The following FGF12 variants were observed in gnomAD, a reference collection of about 807,000 sequenced individuals.
FGF12 encodes the protein fibroblast growth factor 12, also known as fibroblast growth factor 12B.
In FGF12, 14 loss-of-function variants were observed where a neutral mutation model predicts 23.6. The ratio of observed to expected loss-of-function variants is 0.59; its 90% CI spans 0.39 to 0.93. The LOEUF is 0.93. FGF12 is among the 40% of genes least tolerant of loss of function. The probability of loss-of-function intolerance (pLI) is 0.00; values close to 1 mark genes in which losing one functional copy is unlikely to be tolerated. For synonymous variants in FGF12, 62 were observed against 77.3 expected, an observed-to-expected ratio of 0.80 and a Z score of 1.04; for missense variants, 175 against 217.8, an observed-to-expected ratio of 0.80 and a Z score of 1.24.
intron 2 of FGF12, among the ~76,000 whole-genome samples, chr3:192,546,553 G>T (rs1725499338): frequency 6.6e-6 from 1 of 151,620 alleles, no homozygotes; most frequent in Non-Finnish European, 1.5e-5. Flanking sequence ...GGAGAATAAG[G>T]GTTTAATTGT....
Position 192,723,659 on chromosome 3 carries a change from T to A in FGF12, c.13+3522A>T, listed in dbSNP as rs532202554. ...TCCATTAGCATCACTTGGGAGCCATTTAAAACTACTTATGCCCAGATCCCA... is the reference window on the plus strand; with the variant it reads ...TCCATTAGCATCACTTGGGAGCCATATAAAACTACTTATGCCCAGATCCCA... On this transcript the variant is annotated intron_variant, in intron 2 of 5. Transcript: ENST00000445105. Among the ~76,000 whole-genome samples the A allele has an allele frequency of 2.8e-4, 42 of 152,076 alleles. 2 individuals carry two copies. The South Asian group carries it at 8.5e-3, about 31-fold the overall frequency.
chr3:192,465,435 C>G (rs1181876740), intron 2 of FGF12, among the ~76,000 whole-genome samples: 3 of 152,196 alleles, frequency 2.0e-5, no homozygotes, highest in Non-Finnish European at 2.9e-5. Flanking sequence ...GCCCTACACT[C>G]AGAATCTGTA....
At chr3:192,582,160 C>T (rs1187670189) in intron 2 of FGF12, among the ~76,000 whole-genome samples, 3 of 151,850 alleles carry the variant, frequency 2.0e-5, no homozygotes, top group Non-Finnish European at 4.4e-5. Context: ...ATTATGGCAG[C>T]TTTAAAAATA....
intron 2 of FGF12, among the ~76,000 whole-genome samples, chr3:192,377,152 T>C (rs1331409494): frequency 1.3e-5 from 2 of 152,222 alleles, no homozygotes; most frequent in African/African-American, 4.8e-5. Context: ...AAGTTCCTTT[T>C]AGTTTTCCTT....
intron 2 of FGF12, among the ~76,000 whole-genome samples, chr3:192,643,448 C>T (rs1160855242): frequency 6.6e-6 from 1 of 152,128 alleles, no homozygotes; most frequent in Non-Finnish European, 1.5e-5. Flanking sequence ...CAATCTGGCC[C>T]CAATCTACCA....
At chr3:192,195,385 T>C (rs905206240) in intron 4 of FGF12, among the ~76,000 whole-genome samples, 1 of 152,192 alleles carries the variant, frequency 6.6e-6, no homozygotes, top group African/African-American at 2.4e-5. Flanking sequence ...AACATTTAGG[T>C]CAAAAACAGA....
At chr3:192,191,248 T>C (rs570685152) in intron 4 of FGF12, among the ~76,000 whole-genome samples, 3 of 152,108 alleles carry the variant, frequency 2.0e-5, no homozygotes, top group African/African-American at 7.2e-5. Flanking sequence ...CCATGAAAAA[T>C]AGAAAATTTT....
chr3:192,169,083 G>A (rs907324287), intron 5 of FGF12, among the ~76,000 whole-genome samples: 9 of 152,202 alleles, frequency 5.9e-5, no homozygotes, highest in African/African-American at 2.2e-4. Context: ...GCTCACGCTT[G>A]TAATCCCAGC....
At chr3:192,707,740 T>A (rs1718518728) in intron 2 of FGF12, among the ~76,000 whole-genome samples, 1 of 15,154 alleles carries the variant, frequency 6.6e-5, no homozygotes. Context: ...GCGAGACTCC[T>A]TCTCAAAAAA....
At chr3:192,476,455 C>T (rs1224633236) in intron 2 of FGF12, among the ~76,000 whole-genome samples, 2 of 152,208 alleles carry the variant, frequency 1.3e-5, no homozygotes, top group African/African-American at 4.8e-5. Flanking sequence ...CATTTTACCA[C>T]AACATATGGG....
chr3:192,201,909 G>T (rs565970708), intron 4 of FGF12, among the ~76,000 whole-genome samples: 1 of 152,224 alleles, frequency 6.6e-6, no homozygotes, highest in South Asian at 2.1e-4. Context: ...GGGGAACAAT[G>T]TTCTTCTATT....
chr3:192,370,666 G>A (rs1719187719), intron 2 of FGF12, among the ~76,000 whole-genome samples: 2 of 152,194 alleles, frequency 1.3e-5, no homozygotes, highest in Admixed American at 6.5e-5. Context: ...CTAAAATTAT[G>A]AGGGTAGTAT....
intron 4 of FGF12, among the ~76,000 whole-genome samples, chr3:192,244,495 T>C (rs769426110): frequency 1.7e-4 from 26 of 152,106 alleles, no homozygotes; most frequent in Non-Finnish European, 3.7e-4. Context: ...TATCTACTTA[T>C]ATGGGTATAA....
At chr3:192,460,117 T>G (rs1407451050) in intron 2 of FGF12, among the ~76,000 whole-genome samples, 12 of 152,036 alleles carry the variant, frequency 7.9e-5, no homozygotes, top group Non-Finnish European at 2.9e-5. Context: ...CTCTACCTTG[T>G]GGGAGGGGGG....
intron 2 of FGF12, among the ~76,000 whole-genome samples, chr3:192,413,669 C>G (rs934116323): frequency 6.6e-6 from 1 of 152,170 alleles, no homozygotes; most frequent in Non-Finnish European, 1.5e-5. Flanking sequence ...AATGATTAAC[C>G]TTGACATTGT....
At chr3:192,182,771 C>T (rs1175751390) in intron 4 of FGF12, among the ~76,000 whole-genome samples, 1 of 152,156 alleles carries the variant, frequency 6.6e-6, no homozygotes, top group East Asian at 1.9e-4. Context: ...CCCTGAAATT[C>T]CTCCTCCAAC....
chr3:192,640,064 A>G (rs576214622), intron 2 of FGF12, among the ~76,000 whole-genome samples: 33 of 152,078 alleles, frequency 2.2e-4, no homozygotes, highest in African/African-American at 7.7e-4. Context: ...TACCAGGGGC[A>G]CGGGATGGGA....
In FGF12 at chr3:192,567,371, A is replaced by T. The variant is rs577477097; in HGVS notation, c.13+159810T>A. Among the ~76,000 whole-genome samples the T allele has an allele frequency of 1.9e-3, 289 of 152,290 alleles. 2 individuals are homozygous for T. The highest frequency in any genetic ancestry group is 6.8e-3 in the African/African-American group (283 of 41,558). On this transcript the variant is annotated intron_variant, in intron 2 of 5. Coordinates refer to ENST00000445105, the MANE Select transcript of FGF12 (RefSeq NM_004113.6). ...TTGGAGAAAAAAAAAGGGAAAAGAT[A>T]AGGAAAGGGAAAGGGCTTTATTTTT...
At chr3:192,629,446 T>C (rs1480915325) in intron 2 of FGF12, among the ~76,000 whole-genome samples, 4 of 152,172 alleles carry the variant, frequency 2.6e-5, no homozygotes, top group Non-Finnish European at 5.9e-5. Context: ...CCTCATAAAA[T>C]AGAAAAAGGA....
Sources: gnomAD v4.1 joint callset for allele counts (sites outside exome capture counted in the v4.1 genomes callset) on GRCh38, gnomAD v4.1.1 for gene constraint, MANE v1.5 for transcripts, NCBI Gene and HGNC (gene_info 2026-07-23, HGNC 2026-07-21) for gene names.